Variants in OPCML observed in about 807,000 individuals in gnomAD.
The protein encoded by OPCML is opioid binding protein/cell adhesion molecule like.
A neutral mutation model predicts 37.8 loss-of-function variants in OPCML; 13 were observed. The observed-to-expected ratio is 0.34, with a 90% CI of 0.22 to 0.55. OPCML has a LOEUF of 0.55. Ranked by LOEUF, OPCML falls within the 20% of genes least tolerant of loss-of-function variation. The pLI is 0.91. For missense variants in OPCML, 341 were observed against 435.6 expected (o/e 0.78, Z 1.93); for synonymous variants, 176 against 168.8 (o/e 1.04, Z -0.33).
At chr11:132,954,699 A>G (rs1274390856) in intron 1 of OPCML, among the ~76,000 whole-genome samples, 1 of 152,238 alleles carries the variant, frequency 6.6e-6, no homozygotes, top group African/African-American at 2.4e-5. Flanking sequence ...TTTTGGAATC[A>G]TCTTTGCATA....
At chr11:132,661,169 G>A (rs1261225411) in intron 2 of OPCML, among the ~76,000 whole-genome samples, 1 of 152,100 alleles carries the variant, frequency 6.6e-6, no homozygotes, top group Non-Finnish European at 1.5e-5. Flanking sequence ...TCTCCCTGGT[G>A]AGTAGCCATG....
At chr11:132,927,573 GAA>G (rs1945038392) in intron 2 of OPCML, among the ~76,000 whole-genome samples, 1 of 152,106 alleles carries the variant, frequency 6.6e-6, no homozygotes, top group Non-Finnish European at 1.5e-5. Context: ...CAAGAAATAT[GAA>G]AGAGAGTCCT....
chr11:133,134,050 G>T (rs754584398), intron 1 of OPCML, among the ~76,000 whole-genome samples: 4 of 152,108 alleles, frequency 2.6e-5, no homozygotes, highest in Non-Finnish European at 5.9e-5. Flanking sequence ...ACAGGCTCCT[G>T]TATCATCCCT....
chr11:132,943,837 G>T lies in OPCML; in HGVS notation c.62-827C>A, dbSNP rs1344968782. On this transcript the variant is annotated intron_variant, in intron 1 of 7. Coordinates refer to ENST00000524381, the MANE Select transcript of OPCML (RefSeq NM_001012393.5). The surrounding 1 kb of genome is among the most constrained non-coding windows in gnomAD (Gnocchi z 4.3). ...CTCCTCCGGGGACGCGGCACGAGACGCGGGGACGCGCGGACGCCACGCTCA... is the reference window on the plus strand; with the variant it reads ...CTCCTCCGGGGACGCGGCACGAGACTCGGGGACGCGCGGACGCCACGCTCA... 6.6e-6 allele frequency: 1 copy of T among 150,568 alleles called. No individual in the cohort carries two copies. The highest frequency in any genetic ancestry group is 2.1e-4 in the South Asian group (1 of 4,834). The allele number at this position is 150,568 out of a possible 1,614,324, so 9.3% of individuals were successfully genotyped here. A position where few individuals can be genotyped will look rare whatever the true frequency, so the allele number is the denominator to read the frequency against.
At chr11:132,948,321 G>T (rs750902491) in intron 1 of OPCML, among the ~76,000 whole-genome samples, 2 of 152,204 alleles carry the variant, frequency 1.3e-5, no homozygotes, top group Non-Finnish European at 2.9e-5. Context: ...GGTCTTTATT[G>T]TGATTTCCAT....
chr11:132,440,630 G>T (rs1161516966), intron 4 of OPCML, among the ~76,000 whole-genome samples: 1 of 152,208 alleles, frequency 6.6e-6, no homozygotes, highest in Non-Finnish European at 1.5e-5. Context: ...GGGCTCAGTA[G>T]GCTGGCTACA....
intron 1 of OPCML, among the ~76,000 whole-genome samples, chr11:133,307,397 T>C (rs1312988367): frequency 6.6e-6 from 1 of 152,210 alleles, no homozygotes; most frequent in Non-Finnish European, 1.5e-5. Context: ...CTACGTCCTT[T>C]CTGCTGTATT....
chr11:132,789,645 G>C (rs1460681114), intron 2 of OPCML, among the ~76,000 whole-genome samples: 1 of 152,174 alleles, frequency 6.6e-6, no homozygotes, highest in African/African-American at 2.4e-5. Context: ...CAAAGAGAAA[G>C]AACAATATTT....
chr11:133,354,463 G>A (rs1289114243), intron 1 of OPCML, among the ~76,000 whole-genome samples: 1 of 152,106 alleles, frequency 6.6e-6, no homozygotes, highest in African/African-American at 2.4e-5. Context: ...CCATTATACA[G>A]ATTCAATACA....
intron 2 of OPCML, among the ~76,000 whole-genome samples, chr11:132,796,117 C>T (rs1262661877): frequency 6.6e-6 from 1 of 152,126 alleles, no homozygotes; most frequent in Non-Finnish European, 1.5e-5. Context: ...AGGTTATATG[C>T]AAGTACTATG....
intron 1 of OPCML, among the ~76,000 whole-genome samples, chr11:133,110,152 C>T (rs1949228310): frequency 6.6e-6 from 1 of 152,214 alleles, no homozygotes; most frequent in South Asian, 2.1e-4. Flanking sequence ...GTTGAACAAC[C>T]CTGTTCTGGT....
intron 1 of OPCML, among the ~76,000 whole-genome samples, chr11:133,472,562 G>T (rs563535660): frequency 6.6e-6 from 1 of 151,812 alleles, no homozygotes; most frequent in East Asian, 2.0e-4. Flanking sequence ...AGCTGTTTTA[G>T]GGGATCGAGG....
At chr11:132,633,356 C>T (rs1940276000) in intron 3 of OPCML, among the ~76,000 whole-genome samples, 1 of 152,114 alleles carries the variant, frequency 6.6e-6, no homozygotes, top group Non-Finnish European at 1.5e-5. Flanking sequence ...GTGCTGGTAG[C>T]TCTCTTTTCC....
At chr11:133,012,825 G>A (rs545586691) in intron 1 of OPCML, among the ~76,000 whole-genome samples, 8 of 141,924 alleles carry the variant, frequency 5.6e-5, no homozygotes, top group Middle Eastern at 4.1e-3. Context: ...CGGCGAGATC[G>A]CACCATTGCA....
intron 2 of OPCML, among the ~76,000 whole-genome samples, chr11:132,897,528 T>C (rs1348958911): frequency 6.6e-6 from 1 of 152,188 alleles, no homozygotes; most frequent in Non-Finnish European, 1.5e-5. Context: ...TCCCACCACC[T>C]GCACCTATGG....
intron 1 of OPCML, among the ~76,000 whole-genome samples, chr11:133,000,930 C>T (rs1237340511): frequency 2.6e-5 from 4 of 152,132 alleles, no homozygotes; most frequent in African/African-American, 9.7e-5. Context: ...TTGTTTAACA[C>T]AGTATGGCAG....
In OPCML at chr11:133,211,011, A is replaced by C. The variant is rs1489573016; in HGVS notation, c.62-268001T>G. ...GGAAAGGATTTAGCTGAAAAACAAAAATTAAAAAAATGTGCAGAGAAGTCT... is the reference window on the plus strand; with the variant it reads ...GGAAAGGATTTAGCTGAAAAACAAACATTAAAAAAATGTGCAGAGAAGTCT... On this transcript the variant is annotated intron_variant, in intron 1 of 7. Coordinates refer to ENST00000524381, the MANE Select transcript of OPCML (RefSeq NM_001012393.5). This position sits in a 1 kb window ranked among gnomAD's most constrained non-coding sequence, Gnocchi z 4.1. Among the ~76,000 whole-genome samples the C allele has an allele frequency of 6.6e-6, 1 of 152,156 alleles. No individual in the cohort carries two copies. Among genetic ancestry groups the C allele is most frequent in the East Asian group, 1.9e-4 (1 of 5,184 alleles).
intron 2 of OPCML, among the ~76,000 whole-genome samples, chr11:132,698,946 G>A (rs780972140): frequency 5.1e-4 from 78 of 151,870 alleles, no homozygotes; most frequent in Non-Finnish European, 9.7e-4. Context: ...ATTGTAAATC[G>A]CTTTGGGTAT....
At chr11:132,942,633 C>T (rs1200983462) in intron 2 of OPCML, among the ~76,000 whole-genome samples, 2 of 152,168 alleles carry the variant, frequency 1.3e-5, no homozygotes, top group Non-Finnish European at 2.9e-5. Context: ...GTTCTCATCA[C>T]GGTGCCCAAG....
Sources: gnomAD v4.1 joint callset for allele counts (sites outside exome capture counted in the v4.1 genomes callset) on GRCh38, gnomAD v4.1.1 for gene constraint, Gnocchi (gnomAD v3.1) non-coding constraint, MANE v1.5 for transcripts, NCBI Gene and HGNC (gene_info 2026-07-23, HGNC 2026-07-21) for gene names.